The following PAM16 variants were observed in gnomAD, a reference collection of about 807,000 sequenced individuals.
The protein encoded by PAM16 is presequence translocase associated motor 16.
In PAM16, 11 loss-of-function variants were observed where a neutral mutation model predicts 17.9. That is an observed-to-expected ratio of 0.62 (90% confidence interval 0.39 to 1.02). The LOEUF is 1.02. Ranked by LOEUF, PAM16 falls within the 50% of genes least tolerant of loss-of-function variation. The probability of loss-of-function intolerance (pLI) is 0.01; values close to 1 mark genes in which losing one functional copy is unlikely to be tolerated. For missense variants in PAM16, 199 were observed against 165.4 expected (o/e 1.20, Z -1.11); for synonymous variants, 72 against 67.4 (o/e 1.07, Z -0.34).
intron 4 of PAM16, 142 bp from the exon 5 acceptor site, chr16:4,340,547 C>A: frequency 1.1e-6 from 1 of 936,990 alleles, no homozygotes; most frequent in Non-Finnish European, 1.6e-6. Flanking sequence ...TCAGTGGCAC[C>A]CCAGGGTCGG....
chr16:4,344,832 G>A (rs1027371161), intron 1 of PAM16, among the ~76,000 whole-genome samples: 5 of 142,466 alleles, frequency 3.5e-5, no homozygotes, highest in Admixed American at 1.4e-4. Flanking sequence ...AGAGGAGGGG[G>A]TTCTGTGAGA....
Position 4,343,420 on chromosome 16 carries a change from C to G in PAM16, c.4-129G>C, listed in dbSNP as rs542396767. Reference sequence around the variant, plus strand: ...GTCATGAAGCACAGAGCTGCAGCCCCAGGCCAACCCCTCCAAAGCACCCTG... The same window carrying G: ...GTCATGAAGCACAGAGCTGCAGCCCGAGGCCAACCCCTCCAAAGCACCCTG... On this transcript the variant is annotated intron_variant, in intron 1 of 4. Transcript: ENST00000318059. 3.9e-5 allele frequency: 57 copies of G among 1,456,496 alleles called. 1 individual carries two copies. The South Asian group carries it at 6.7e-4, about 17-fold the overall frequency. 90.2% of individuals were successfully genotyped at this position (1,456,496 alleles called of 1,614,324 possible).
At chr16:4,344,740 GGGTTCTGTGAGAGGA>G in intron 1 of PAM16, among the ~76,000 whole-genome samples, 4 of 33,148 alleles carry the variant, frequency 1.2e-4, no homozygotes, top group Non-Finnish European at 2.2e-4. Context: ...TGAGAGGAGG[GGGTTCTGTGAGAGGA>G]GGGGGTTCCG....
intron 1 of PAM16, chr16:4,348,170 C>T (rs753171723): frequency 5.9e-5 from 9 of 152,374 alleles, no homozygotes; most frequent in Admixed American, 2.6e-4. Flanking sequence ...AACTGTAGCA[C>T]GTGCCACAAC....
At position 4,341,199 on chromosome 16, in the gene PAM16, C is replaced by T. The variant is rs552585337; in HGVS notation, c.225+169G>A. ...AAGGCACTCTTTGTCTCTAGACTGT[C>T]CTGCCTCAGGCCTAAAACTTCACGA... On this transcript the variant is annotated intron_variant, in intron 3 of 4. Coordinates refer to ENST00000318059, the MANE Select transcript of PAM16 (RefSeq NM_016069.11). Among the ~76,000 whole-genome samples the T allele has an allele frequency of 5.3e-5, 8 of 152,354 alleles. No homozygotes were observed. In the East Asian group the frequency reaches 1.5e-3, roughly 29 times the overall value.
At chr16:4,343,652 G>A in intron 1 of PAM16, 1 of 1,020,462 alleles carries the variant, frequency 9.8e-7, no homozygotes, top group Non-Finnish European at 1.3e-6. Context: ...CCTGGACCTG[G>A]CAGTAACTCA....
chr16:4,342,112 A>G (rs2053657464), intron 2 of PAM16, among the ~76,000 whole-genome samples: 1 of 152,110 alleles, frequency 6.6e-6, no homozygotes, highest in African/African-American at 2.4e-5. Context: ...GCACTTTGGG[A>G]GGCCAAGGAG....
chr16:4,347,860 A>G (rs1285065191), intron 1 of PAM16: 1 of 152,220 alleles, frequency 6.6e-6, no homozygotes, highest in African/African-American at 2.4e-5. Context: ...CACAGGATCC[A>G]ATCCTGGCAT....
At chr16:4,350,153 C>T (rs572024787) in intron 1 of PAM16, among the ~76,000 whole-genome samples, 50 of 151,796 alleles carry the variant, frequency 3.3e-4, no homozygotes, top group African/African-American at 9.2e-4. Context: ...TTTGCCCTGT[C>T]GCCCAGACTG....
At chr16:4,350,772 C>G (rs1417564988) in intron 1 of PAM16, among the ~76,000 whole-genome samples, 1 of 152,166 alleles carries the variant, frequency 6.6e-6, no homozygotes, top group Non-Finnish European at 1.5e-5. Flanking sequence ...CTCTACGTGC[C>G]AACGATATCA....
chr16:4,341,720 T>A, intron 2 of PAM16: 1 of 746,866 alleles, frequency 1.3e-6, no homozygotes, highest in Non-Finnish European at 2.1e-6. Context: ...AAGGGCAGGA[T>A]CTGACCGCTA....
intron 1 of PAM16, chr16:4,347,983 G>C (rs904141815): frequency 6.6e-6 from 1 of 152,276 alleles, no homozygotes; most frequent in African/African-American, 2.4e-5. Flanking sequence ...CAGCAATGGG[G>C]CTTACACTGA....
intron 1 of PAM16, among the ~76,000 whole-genome samples, chr16:4,349,993 C>A (rs1319379844): frequency 6.6e-6 from 1 of 151,348 alleles, no homozygotes; most frequent in Non-Finnish European, 1.5e-5. Context: ...TTAGCTGTTA[C>A]ATTATCCTTA....
chr16:4,344,546 G>GACT (rs2053714043), intron 1 of PAM16, among the ~76,000 whole-genome samples: 2 of 121,760 alleles, frequency 1.6e-5, no homozygotes, highest in Non-Finnish European at 1.7e-5. Context: ...GAGAGGAGGG[G>GACT]GTTCCGTGAG....
intron 1 of PAM16, chr16:4,346,076 A>G: frequency 1.6e-6 from 1 of 628,386 alleles, no homozygotes; most frequent in Non-Finnish European, 2.0e-6. Context: ...TCCCCTGCAC[A>G]CTTCAAACCA....
chr16:4,348,783 G>C (rs2053798653), intron 1 of PAM16: 1 of 151,730 alleles, frequency 6.6e-6, no homozygotes, highest in African/African-American at 2.4e-5. Context: ...AGCCTCCTGA[G>C]TAGCTGGGAC....
chr16:4,347,506 C>T (rs1316430079), intron 1 of PAM16: 2 of 152,260 alleles, frequency 1.3e-5, no homozygotes, highest in Non-Finnish European at 2.9e-5. Flanking sequence ...CAGTAAGGCC[C>T]TCAGGAGGCA....
Position 4,341,498 on chromosome 16 carries a change from C to T in PAM16, c.95G>A (p.Arg32Gln), listed in dbSNP as rs764857741. ...GCGTCCTCGGGCATCAGCTGCGGCC[C>T]GGCTGGCTGTGTGGACATGTGGGTG... Reference protein sequence around the residue: ...RALRQEFAASRAAADARGRAG... With the variant: ...RALRQEFAASQAAADARGRAG... Residue 32 changes from arginine (R) to glutamine (Q), a missense_variant, in exon 3 of 5, where the codon CGG becomes CAG. By Grantham distance (43) the Arg-to-Gln change is conservative. Coordinates refer to ENST00000318059, the MANE Select transcript of PAM16 (RefSeq NM_016069.11). 8 of 1,607,874 alleles carry T rather than the reference C, an allele frequency of 5.0e-6. No individual in the cohort carries two copies. Among genetic ancestry groups the T allele is most frequent in the African/African-American group, 2.7e-5 (2 of 74,876 alleles).
chr16:4,345,910 G>C, intron 1 of PAM16: 1 of 985,146 alleles, frequency 1.0e-6, no homozygotes, highest in Non-Finnish European at 1.2e-6. Context: ...ACACGGCTCA[G>C]GTCTCAGACT....
Sources: allele counts gnomAD v4.1 joint callset (sites outside exome capture counted in the v4.1 genomes callset), GRCh38; gene constraint gnomAD v4.1.1; transcripts MANE v1.5; gene names NCBI Gene and HGNC (gene_info 2026-07-23, HGNC 2026-07-21).